The following TAFA4 variants were observed in gnomAD, a reference collection of about 807,000 sequenced individuals.
The protein encoded by TAFA4 is chemokine-like protein TAFA-4.
TAFA4 carries 20 observed loss-of-function variants against 21.1 expected under a neutral mutation model. The ratio of observed to expected loss-of-function variants is 0.95; its 90% CI spans 0.67 to 1.38. TAFA4 has a LOEUF of 1.38. Among genes scored for constraint, TAFA4 ranks in the 40% most tolerant of loss-of-function variants. TAFA4 has a pLI of 0.00. For missense variants in TAFA4, 211 were observed against 180.9 expected (o/e 1.17, Z -0.95); for synonymous variants, 71 against 67.4 (o/e 1.05, Z -0.26).
Position 68,857,875 on chromosome 3 carries a change from A to G in TAFA4, c.130+22855T>C, listed in dbSNP as rs139096285. Among the ~76,000 whole-genome samples the G allele has an allele frequency of 3.2e-3, 483 of 152,248 alleles. 2 individuals carry two copies. Among genetic ancestry groups the G allele is most frequent in the African/African-American group, 0.011 (463 of 41,560 alleles). On this transcript the variant is annotated intron_variant, in intron 3 of 5. Transcript: ENST00000295569. The stretch of plus-strand genomic sequence containing the variant: ...AGGTGGGAGAGAGCCATATTACCTG[A>G]AGAAATACAACATATTAAGCTCTGA...
At chr3:68,843,829 T>G (rs6793876) in intron 3 of TAFA4, among the ~76,000 whole-genome samples, 49,712 of 152,146 alleles carry the variant, frequency 0.33, 8,437 homozygotes, top group Non-Finnish European at 0.37. Flanking sequence ...TTATTTATTT[T>G]CATATGTTGA....
At chr3:68,794,300 G>T (rs1170513416) in intron 3 of TAFA4, among the ~76,000 whole-genome samples, 3 of 152,086 alleles carry the variant, frequency 2.0e-5, no homozygotes, top group Non-Finnish European at 4.4e-5. Context: ...GGGGAGGTTT[G>T]TTTTCTACTC....
intron 3 of TAFA4, among the ~76,000 whole-genome samples, chr3:68,757,544 A>G (rs1436894799): frequency 6.6e-6 from 1 of 152,198 alleles, no homozygotes; most frequent in East Asian, 1.9e-4. Context: ...ATGTGTCAGC[A>G]ACTTCTTGGA....
chr3:68,881,589 T>C (rs1012403458), intron 2 of TAFA4, among the ~76,000 whole-genome samples: 1 of 152,220 alleles, frequency 6.6e-6, no homozygotes, highest in African/African-American at 2.4e-5. Context: ...ATTAACTTTT[T>C]TTGTTTGCTT....
intron 3 of TAFA4, among the ~76,000 whole-genome samples, chr3:68,865,681 T>G (rs919352851): frequency 6.6e-6 from 1 of 152,128 alleles, no homozygotes; most frequent in Non-Finnish European, 1.5e-5. Context: ...ACACTCAGTC[T>G]GGAATGCAGT....
At chr3:68,833,839 G>A (rs1037538283) in intron 3 of TAFA4, among the ~76,000 whole-genome samples, 10 of 152,066 alleles carry the variant, frequency 6.6e-5, no homozygotes, top group Non-Finnish European at 4.4e-5. Flanking sequence ...AGTGTCAAAG[G>A]CATACTATGC....
chr3:68,760,997 A>G (rs1430722499), intron 3 of TAFA4, among the ~76,000 whole-genome samples: 5 of 152,206 alleles, frequency 3.3e-5, no homozygotes, highest in Non-Finnish European at 1.5e-5. Flanking sequence ...GCCAAATGGA[A>G]TTATCTGACT....
At chr3:68,875,299 C>A (rs767021732) in intron 3 of TAFA4, among the ~76,000 whole-genome samples, 2 of 151,290 alleles carry the variant, frequency 1.3e-5, no homozygotes, top group African/African-American at 4.9e-5. Context: ...ATCAATAGTA[C>A]GGTTGTTAAA....
At chr3:68,918,400 C>T (rs911475488) in intron 1 of TAFA4, among the ~76,000 whole-genome samples, 8 of 152,212 alleles carry the variant, frequency 5.3e-5, no homozygotes, top group Admixed American at 6.5e-5. Context: ...GGAATCTTAT[C>T]CATCTTCTGC....
At chr3:68,852,779 C>G (rs1047336360) in intron 3 of TAFA4, among the ~76,000 whole-genome samples, 4 of 152,156 alleles carry the variant, frequency 2.6e-5, no homozygotes, top group African/African-American at 9.7e-5. Context: ...TCACCCTTAT[C>G]TTAGCATTGT....
intron 1 of TAFA4, among the ~76,000 whole-genome samples, chr3:68,896,448 C>T (rs141276790): frequency 3.3e-5 from 5 of 152,184 alleles, no homozygotes; most frequent in Non-Finnish European, 5.9e-5. Context: ...AAAGTAGCAC[C>T]GAGCACACAA....
At chr3:68,901,644 T>C (rs2089844745) in intron 1 of TAFA4, among the ~76,000 whole-genome samples, 1 of 152,248 alleles carries the variant, frequency 6.6e-6, no homozygotes, top group African/African-American at 2.4e-5. Flanking sequence ...TATTGTCATA[T>C]TGGACAGTAC....
At chr3:68,768,714 G>A (rs905313970) in intron 3 of TAFA4, among the ~76,000 whole-genome samples, 1 of 152,150 alleles carries the variant, frequency 6.6e-6, no homozygotes, top group Non-Finnish European at 1.5e-5. Context: ...GGATGAATGG[G>A]TAAATAAAAT....
At chr3:68,825,635 T>C (rs1704212353) in intron 3 of TAFA4, among the ~76,000 whole-genome samples, 1 of 151,744 alleles carries the variant, frequency 6.6e-6, no homozygotes, top group South Asian at 2.1e-4. Flanking sequence ...AGAGGCTCAC[T>C]GAGCAGTTCC....
intron 3 of TAFA4, among the ~76,000 whole-genome samples, chr3:68,826,960 T>A (rs1471443411): frequency 3.9e-5 from 6 of 152,280 alleles, no homozygotes; most frequent in Admixed American, 3.9e-4. Flanking sequence ...TAGCTATACA[T>A]GTGCCGTGTT....
intron 3 of TAFA4, among the ~76,000 whole-genome samples, chr3:68,854,654 G>A (rs1329223858): frequency 6.7e-6 from 1 of 148,708 alleles, no homozygotes; most frequent in East Asian, 2.0e-4. Context: ...ACTTGGTTTT[G>A]TTTTTGTTAT....
At chr3:68,820,108 AAAG>A (rs1306841179) in intron 3 of TAFA4, among the ~76,000 whole-genome samples, 2 of 152,242 alleles carry the variant, frequency 1.3e-5, no homozygotes, top group Non-Finnish European at 2.9e-5. Flanking sequence ...CAGCCTTACA[AAAG>A]AAGAAAATCA....
rs569267019 is a variant in TAFA4 at position 68,822,310 on chromosome 3, T to C, written c.130+58420A>G. ...ATATGCTCTCCAATAAGCTACTCTA[T>C]TATGAACTCTGATTGAAGCTCAGTT... On this transcript the variant is annotated intron_variant, in intron 3 of 5. Transcript: ENST00000295569. 4.9e-4 allele frequency among the ~76,000 whole-genome samples: 74 copies of C among 152,308 alleles called. 1 individual carries two copies. In the South Asian group the frequency reaches 0.013, roughly 26 times the overall value.
chr3:68,803,542 A>C lies in TAFA4; in HGVS notation c.131-50524T>G, dbSNP rs78899818. Among the ~76,000 whole-genome samples the C allele has an allele frequency of 7.6e-3, 1,151 of 152,132 alleles. 10 individuals are homozygous for C. Among genetic ancestry groups the C allele is most frequent in the African/African-American group, 0.027 (1,104 of 41,512 alleles). On this transcript the variant is annotated intron_variant, in intron 3 of 5. Transcript: ENST00000295569. ...TGCCATGTGTAAGTCCCAAGGAGAA[A>C]ACTCAAGGCAGGGAGGGAAGTACTA...
Sources: allele counts gnomAD v4.1 joint callset (sites outside exome capture counted in the v4.1 genomes callset), GRCh38; gene constraint gnomAD v4.1.1; transcripts MANE v1.5; gene names NCBI Gene and HGNC (gene_info 2026-07-23, HGNC 2026-07-21).